IMPG1: variants seen among roughly 807,000 people sequenced by gnomAD.
IMPG1 encodes the protein interphotoreceptor matrix proteoglycan of 150 kDa.
IMPG1 carries 85 observed loss-of-function variants against 92.0 expected under a neutral mutation model. That is an observed-to-expected ratio of 0.92 (90% CI 0.78 to 1.11). The LOEUF (loss-of-function observed/expected upper bound fraction) is 1.11, where lower values mean the gene tolerates loss of function less well. IMPG1 is among the 50% of genes least tolerant of loss of function. IMPG1 has a pLI of 0.00. For synonymous variants in IMPG1, 367 were observed against 334.1 expected (o/e 1.10, Z -1.08); for missense variants, 1,022 against 956.0 (o/e 1.07, Z -0.91).
intron 4 of IMPG1, among the ~76,000 whole-genome samples, chr6:76,027,509 T>C (rs750362307): frequency 2.6e-5 from 4 of 152,166 alleles, no homozygotes; most frequent in Non-Finnish European, 4.4e-5. Flanking sequence ...GTTTTTATAG[T>C]AAAAGGTTAT....
At chr6:75,958,147 A>G (rs762026667) in intron 12 of IMPG1, among the ~76,000 whole-genome samples, 41 of 152,164 alleles carry the variant, frequency 2.7e-4, no homozygotes, top group Non-Finnish European at 5.0e-4. Context: ...TTCTTCGCTT[A>G]TGAAGCTTAG....
At chr6:76,003,739 G>T in intron 11 of IMPG1, 135 bp downstream of exon 11, 1 of 646,470 alleles carries the variant, frequency 1.5e-6, no homozygotes, top group Non-Finnish European at 2.6e-6. Context: ...AGTGCTGCTT[G>T]TAAAAAACAG....
chr6:75,964,693 AAGAG>A (rs1554229448), intron 12 of IMPG1, among the ~76,000 whole-genome samples: 3 of 142,518 alleles, frequency 2.1e-5, no homozygotes, highest in East Asian at 4.0e-4. Flanking sequence ...AAAAAAAAAA[AAGAG>A]AGAGAGAAAA....
chr6:76,058,137 A>G (rs1358400300), intron 1 of IMPG1, among the ~76,000 whole-genome samples: 1 of 152,120 alleles, frequency 6.6e-6, no homozygotes, highest in Non-Finnish European at 1.5e-5. Context: ...CTCCCAATCC[A>G]TAGGCTGCCT....
chr6:76,031,391 T>C (rs1441745564), intron 4 of IMPG1, among the ~76,000 whole-genome samples: 1 of 152,200 alleles, frequency 6.6e-6, no homozygotes, highest in African/African-American at 2.4e-5. Context: ...TACATATTTC[T>C]GCCACACCCA....
At chr6:75,954,551 C>T (rs2149459052) in intron 12 of IMPG1, among the ~76,000 whole-genome samples, 1 of 152,154 alleles carries the variant, frequency 6.6e-6, no homozygotes, top group Admixed American at 6.5e-5. Flanking sequence ...AATTTTTTCC[C>T]ATTCTATAGG....
At chr6:76,048,775 T>C (rs1783988141) in intron 1 of IMPG1, among the ~76,000 whole-genome samples, 2 of 152,222 alleles carry the variant, frequency 1.3e-5, no homozygotes, top group African/African-American at 2.4e-5. Flanking sequence ...ATCTGGCTTT[T>C]TGGTGTGGCA....
At chr6:76,041,408 C>G (rs532898047) in intron 2 of IMPG1, among the ~76,000 whole-genome samples, 2 of 152,282 alleles carry the variant, frequency 1.3e-5, no homozygotes, top group African/African-American at 4.8e-5. Flanking sequence ...CAATGTGCCT[C>G]TAGGTTTCCA....
intron 4 of IMPG1, among the ~76,000 whole-genome samples, chr6:76,026,484 C>T (rs1783538369): frequency 6.6e-6 from 1 of 152,140 alleles, no homozygotes; most frequent in African/African-American, 2.4e-5. Context: ...AAAAAAGGAG[C>T]AGTGAGCAGC....
intron 14 of IMPG1, among the ~76,000 whole-genome samples, chr6:75,946,141 A>C (rs1781924130): frequency 6.6e-6 from 1 of 152,192 alleles, no homozygotes; most frequent in African/African-American, 2.4e-5. Context: ...ACTGGCATTT[A>C]GGAGGTGTTT....
intron 2 of IMPG1, among the ~76,000 whole-genome samples, chr6:76,040,473 C>A (rs755952087): frequency 6.6e-6 from 1 of 152,186 alleles, no homozygotes; most frequent in African/African-American, 2.4e-5. Context: ...TAGGCACACT[C>A]GAAATTAGTA....
At chr6:76,028,944 T>C (rs1783604062) in intron 4 of IMPG1, among the ~76,000 whole-genome samples, 3 of 152,216 alleles carry the variant, frequency 2.0e-5, no homozygotes, top group Admixed American at 6.5e-5. Flanking sequence ...TACGGCAATA[T>C]AGTTGTTTGC....
Position 75,958,979 on chromosome 6 carries a change from CT to C in IMPG1, c.1292-7886del, listed in dbSNP as rs1289639220. Among the ~76,000 whole-genome samples, 10 of 152,124 alleles carry C rather than the reference CT, an allele frequency of 6.6e-5. No individual in the cohort carries two copies. In the South Asian group the frequency reaches 1.9e-3, roughly 28 times the overall value. On this transcript the variant is annotated intron_variant, in intron 12 of 16. Coordinates refer to ENST00000369950, the MANE Select transcript of IMPG1 (RefSeq NM_001563.4). ...CATTCTGATTTTTGGAATTTTCAGC[CT>C]TTTTTGCACTGGTTTTTCCTCATCT...
intron 16 of IMPG1, among the ~76,000 whole-genome samples, chr6:75,923,418 A>T (rs3798421): frequency 0.39 from 59,379 of 151,886 alleles, 12,579 homozygotes; most frequent in Non-Finnish European, 0.5. Context: ...ACTTGGATTG[A>T]TTTTGTTATT....
chr6:75,940,700 C>G (rs1308839742), intron 14 of IMPG1, among the ~76,000 whole-genome samples: 1 of 152,080 alleles, frequency 6.6e-6, no homozygotes, highest in African/African-American at 2.4e-5. Flanking sequence ...TTTAGACAGC[C>G]TGGCTTTAAG....
intron 1 of IMPG1, among the ~76,000 whole-genome samples, chr6:76,046,794 C>T (rs1320520710): frequency 2.0e-5 from 3 of 152,184 alleles, no homozygotes; most frequent in Non-Finnish European, 4.4e-5. Flanking sequence ...TCAATAAGAA[C>T]TCCTTTATCA....
intron 12 of IMPG1, among the ~76,000 whole-genome samples, chr6:75,990,531 A>G (rs1302532196): frequency 6.6e-6 from 1 of 151,528 alleles, no homozygotes; most frequent in East Asian, 1.9e-4. Flanking sequence ...AGGCAGGAGG[A>G]TTGCTTGAGC....
intron 7 of IMPG1, among the ~76,000 whole-genome samples, chr6:76,017,655 A>T (rs534462365): frequency 4.6e-5 from 7 of 152,312 alleles, no homozygotes; most frequent in African/African-American, 1.2e-4. Flanking sequence ...TGAAACCATC[A>T]CCATAATGGT....
At chr6:76,065,124 A>C (rs1018855640) in intron 1 of IMPG1, among the ~76,000 whole-genome samples, 1 of 152,130 alleles carries the variant, frequency 6.6e-6, no homozygotes, top group African/African-American at 2.4e-5. Context: ...TCAAAAATGA[A>C]AGAAGAGGTA....
Sources: allele counts gnomAD v4.1 joint callset (sites outside exome capture counted in the v4.1 genomes callset), GRCh38; gene constraint gnomAD v4.1.1; transcripts MANE v1.5; gene names NCBI Gene and HGNC (gene_info 2026-07-23, HGNC 2026-07-21).